The following FBXL17 variants were observed in gnomAD, a reference collection of about 807,000 sequenced individuals.
The protein encoded by FBXL17 is F-box/LRR-repeat protein 17.
FBXL17 carries 22 observed loss-of-function variants against 66.2 expected under a neutral mutation model. The observed-to-expected ratio is 0.33, with a 90% confidence interval of 0.24 to 0.47. The LOEUF (loss-of-function observed/expected upper bound fraction) is 0.47. Among genes scored for constraint, FBXL17 ranks in the 20% least tolerant of loss-of-function variants. The pLI, the probability that FBXL17 is intolerant of heterozygous loss-of-function variation, is 1.00. For synonymous variants in FBXL17, 474 were observed against 400.5 expected, an observed-to-expected ratio of 1.18 and a Z score of -2.19; for missense variants, 878 against 948.2, an observed-to-expected ratio of 0.93 and a Z score of 0.97.
chr5:108,137,341 G>C (rs1362555949), intron 6 of FBXL17, among the ~76,000 whole-genome samples: 1 of 152,142 alleles, frequency 6.6e-6, no homozygotes, highest in Non-Finnish European at 1.5e-5. Flanking sequence ...AAGAGGATCA[G>C]CCACTGCTTT....
At chr5:108,110,194 T>G (rs1360254335) in intron 6 of FBXL17, among the ~76,000 whole-genome samples, 2 of 152,112 alleles carry the variant, frequency 1.3e-5, no homozygotes, top group Non-Finnish European at 2.9e-5. Context: ...ATCCAGTGGT[T>G]TACTGGGTTC....
chr5:108,166,260 G>A (rs1485655053), intron 6 of FBXL17, among the ~76,000 whole-genome samples: 2 of 152,140 alleles, frequency 1.3e-5, no homozygotes, highest in Non-Finnish European at 2.9e-5. Flanking sequence ...CATTTTACCT[G>A]CATGCATGGG....
At chr5:107,956,149 C>T (rs2112617274) in intron 7 of FBXL17, among the ~76,000 whole-genome samples, 1 of 152,160 alleles carries the variant, frequency 6.6e-6, no homozygotes, top group East Asian at 1.9e-4. Flanking sequence ...ATTATGGAAA[C>T]TTCTAGATAT....
chr5:108,235,947 C>T (rs144178433), intron 4 of FBXL17, among the ~76,000 whole-genome samples: 4,855 of 152,274 alleles, frequency 0.032, 96 homozygotes, highest in Non-Finnish European at 0.043. Flanking sequence ...ATGTGGCACA[C>T]ACAAGTAGTG....
intron 7 of FBXL17, among the ~76,000 whole-genome samples, chr5:107,984,189 T>C (rs1278981534): frequency 6.6e-6 from 1 of 152,108 alleles, no homozygotes; most frequent in Non-Finnish European, 1.5e-5. Context: ...ACAAGTTATA[T>C]AGAGGTAATA....
intron 7 of FBXL17, among the ~76,000 whole-genome samples, chr5:108,012,650 G>C (rs889594098): frequency 1.2e-4 from 19 of 152,134 alleles, no homozygotes; most frequent in African/African-American, 4.6e-4. Flanking sequence ...GCATACTATA[G>C]TGTTACGCAC....
intron 6 of FBXL17, among the ~76,000 whole-genome samples, chr5:108,154,644 CACACAT>C (rs1165360591): frequency 1.9e-4 from 25 of 134,966 alleles, no homozygotes; most frequent in African/African-American, 6.0e-4. Context: ...CACACACACA[CACACAT>C]ATATGTATAT....
intron 7 of FBXL17, among the ~76,000 whole-genome samples, chr5:108,000,379 C>G (rs75372511): frequency 0.016 from 2,416 of 152,236 alleles, 64 homozygotes; most frequent in African/African-American, 0.055. Context: ...AGACAGGTTC[C>G]TTGCAGCAGT....
At chr5:107,980,539 T>C (rs916695505) in intron 7 of FBXL17, among the ~76,000 whole-genome samples, 5 of 148,276 alleles carry the variant, frequency 3.4e-5, no homozygotes, top group Non-Finnish European at 7.4e-5. Flanking sequence ...TTTCACCATG[T>C]TGCCCAGGTT....
rs572483521 is a variant in FBXL17, at chr5:108,065,938, C to T, written c.1746-44937G>A. Among the ~76,000 whole-genome samples the T allele has an allele frequency of 5.9e-5, 9 of 152,176 alleles. No homozygotes were observed. The East Asian group carries it at 1.7e-3, about 29-fold the overall frequency. The stretch of plus-strand genomic sequence containing the variant: ...AGCGATGGTTGTCAACAAAACAAAA[C>T]AAAACCCCCAAAACTAATGGTACAT... On this transcript the variant is annotated intron_variant, in intron 6 of 8. Transcript: ENST00000542267.
chr5:108,210,952 C>T (rs1022502003), intron 5 of FBXL17, among the ~76,000 whole-genome samples: 4 of 152,096 alleles, frequency 2.6e-5, no homozygotes, highest in Non-Finnish European at 5.9e-5. Context: ...GTCTAAGTCT[C>T]CTTGTAGGTC....
At chr5:108,324,934 A>C (rs1399938210) in intron 4 of FBXL17, among the ~76,000 whole-genome samples, 2 of 152,078 alleles carry the variant, frequency 1.3e-5, no homozygotes, top group African/African-American at 4.8e-5. Context: ...AAATTAAGGT[A>C]CCTAGAAGAG....
At chr5:108,018,118 C>T (rs1754452895) in intron 7 of FBXL17, among the ~76,000 whole-genome samples, 1 of 151,920 alleles carries the variant, frequency 6.6e-6, no homozygotes, top group Admixed American at 6.6e-5. Flanking sequence ...AAAGAGGAGG[C>T]CAAAAACAGA....
intron 7 of FBXL17, among the ~76,000 whole-genome samples, chr5:107,973,806 C>A (rs1241281495): frequency 6.6e-6 from 1 of 150,970 alleles, no homozygotes; most frequent in East Asian, 2.0e-4. Context: ...AATCAACAGG[C>A]CCCTATTGGC....
chr5:108,343,138 C>T (rs567790999), intron 4 of FBXL17, among the ~76,000 whole-genome samples: 1 of 152,300 alleles, frequency 6.6e-6, no homozygotes, highest in South Asian at 2.1e-4. Context: ...TAATCTTGGA[C>T]TTGTCAGCCT....
intron 1 of FBXL17, among the ~76,000 whole-genome samples, chr5:108,377,158 A>G (rs1749496093): frequency 6.6e-6 from 1 of 152,222 alleles, no homozygotes; most frequent in Non-Finnish European, 1.5e-5. Flanking sequence ...CTGGGTTAAG[A>G]AGGGCACATT....
intron 6 of FBXL17, among the ~76,000 whole-genome samples, chr5:108,086,606 T>C (rs1748980048): frequency 6.6e-6 from 1 of 152,218 alleles, no homozygotes; most frequent in Non-Finnish European, 1.5e-5. Flanking sequence ...TTGCCCAGGC[T>C]GGAGTGCAGT....
At chr5:108,166,839 A>C (rs1263683864) in intron 6 of FBXL17, among the ~76,000 whole-genome samples, 3 of 152,208 alleles carry the variant, frequency 2.0e-5, no homozygotes, top group Non-Finnish European at 4.4e-5. Context: ...TAGAAATTAG[A>C]AATTAAAAGG....
intron 6 of FBXL17, among the ~76,000 whole-genome samples, chr5:108,123,600 GA>G (rs60502213): frequency 6.6e-6 from 1 of 151,556 alleles, no homozygotes. Flanking sequence ...TAGGATGAAA[GA>G]AAAAAAACAG....
Sources: allele counts gnomAD v4.1 joint callset (sites outside exome capture counted in the v4.1 genomes callset), GRCh38; gene constraint gnomAD v4.1.1; transcripts MANE v1.5; gene names NCBI Gene and HGNC (gene_info 2026-07-23, HGNC 2026-07-21).